Variants in KSR2 observed in about 807,000 individuals in gnomAD.
The protein encoded by KSR2 is kinase suppressor of ras 2.
KSR2 carries 25 observed loss-of-function variants against 107.8 expected under a neutral mutation model. The observed-to-expected ratio is 0.23, with a 90% CI of 0.17 to 0.32. The LOEUF (loss-of-function observed/expected upper bound fraction) is 0.32. Ranked by LOEUF, KSR2 falls within the 10% of genes least tolerant of loss-of-function variation. The pLI, the probability that KSR2 is intolerant of heterozygous loss-of-function variation, is 1.00. For missense variants in KSR2, 887 were observed against 1,268.9 expected, an observed-to-expected ratio of 0.70 and a Z score of 4.57; for synonymous variants, 480 against 507.0, an observed-to-expected ratio of 0.95 and a Z score of 0.71.
chr12:117,604,987 T>G (rs925107610), intron 5 of KSR2, among the ~76,000 whole-genome samples: 3 of 152,330 alleles, frequency 2.0e-5, no homozygotes, highest in African/African-American at 7.2e-5. Flanking sequence ...AGCAACTAAT[T>G]CAGGGGAAAA....
At chr12:117,509,618 G>A (rs1487643036) in intron 14 of KSR2, among the ~76,000 whole-genome samples, 5 of 152,172 alleles carry the variant, frequency 3.3e-5, no homozygotes, top group South Asian at 2.1e-4. Context: ...GAACTGAGAC[G>A]CTCTGACAGT....
chr12:117,527,314 CACACACACACAG>C (rs1875254339), intron 12 of KSR2, among the ~76,000 whole-genome samples, 195 bp from the exon 13 acceptor site: 15 of 137,866 alleles, frequency 1.1e-4, no homozygotes, highest in Admixed American at 2.8e-4. Flanking sequence ...CACACACACA[CACACACACACAG>C]ACACACACAC....
At chr12:117,885,772 C>G (rs950123890) in intron 1 of KSR2, among the ~76,000 whole-genome samples, 2 of 151,876 alleles carry the variant, frequency 1.3e-5, no homozygotes, top group African/African-American at 4.8e-5. Flanking sequence ...TTGACAGGTG[C>G]AGCAAACCAC....
At chr12:117,603,350 C>G (rs1414363074) in intron 5 of KSR2, among the ~76,000 whole-genome samples, 1 of 152,210 alleles carries the variant, frequency 6.6e-6, no homozygotes, top group African/African-American at 2.4e-5. Context: ...ACAAGTCTAA[C>G]TGAAACCAAG....
At chr12:117,722,374 G>T (rs10850890) in intron 4 of KSR2, among the ~76,000 whole-genome samples, 57,885 of 151,856 alleles carry the variant, frequency 0.38, 11,199 homozygotes, top group Middle Eastern at 0.49. Flanking sequence ...CCTACTGGGC[G>T]GCATTCCCGG....
rs978055320 is a variant in KSR2, at chr12:117,461,541, A to G, written c.*5658T>C. The G allele has an allele frequency of 2.0e-5, 3 of 152,544 alleles. No individual in the cohort carries two copies. The highest frequency in any genetic ancestry group is 4.4e-5 in the Non-Finnish European group (3 of 68,214). The allele number at this position is 152,544 out of a possible 1,614,324, so 9.4% of individuals were successfully genotyped here. A position where few individuals can be genotyped will look rare whatever the true frequency, so the allele number is the denominator to read the frequency against. ...TTTTCCATCAACCTCCTGCCCCACT[A>G]CTGGTTTCAAAACTAAACTGGTAAC... On this transcript the variant is annotated 3_prime_UTR_variant, in exon 20 of 20. Coordinates refer to ENST00000339824, the MANE Select transcript of KSR2 (RefSeq NM_173598.6).
intron 4 of KSR2, among the ~76,000 whole-genome samples, chr12:117,753,844 A>C (rs1888693214): frequency 6.6e-6 from 1 of 151,726 alleles, no homozygotes; most frequent in African/African-American, 2.4e-5. Context: ...AAGAAGGAAA[A>C]CAAGAACATC....
chr12:117,928,630 G>A (rs113834362), intron 1 of KSR2, among the ~76,000 whole-genome samples: 9 of 152,296 alleles, frequency 5.9e-5, no homozygotes, highest in African/African-American at 1.7e-4. Flanking sequence ...ATGAACACAA[G>A]TGAACAAATA....
chr12:117,822,839 C>T (rs181931038), intron 3 of KSR2, among the ~76,000 whole-genome samples: 44 of 152,226 alleles, frequency 2.9e-4, no homozygotes, highest in Admixed American at 6.5e-4. Context: ...TTCACACCAT[C>T]ATGAAGTAGA....
chr12:117,734,049 G>C (rs918432167), intron 4 of KSR2, among the ~76,000 whole-genome samples: 3 of 152,180 alleles, frequency 2.0e-5, no homozygotes, highest in Non-Finnish European at 2.9e-5. Context: ...GGGAGGCTGA[G>C]GCAGGCAGAT....
At chr12:117,675,489 C>T (rs116268488) in intron 4 of KSR2, among the ~76,000 whole-genome samples, 4,461 of 152,284 alleles carry the variant, frequency 0.029, 205 homozygotes, top group African/African-American at 0.1. Context: ...TTTGTCAGCC[C>T]CCGGCCACCC....
chr12:117,718,088 G>A (rs754858722), intron 4 of KSR2, among the ~76,000 whole-genome samples: 2 of 152,198 alleles, frequency 1.3e-5, no homozygotes, highest in Non-Finnish European at 2.9e-5. Context: ...GGAGAAGCCA[G>A]TTTAAGTTGA....
chr12:117,675,738 C>T (rs866094937), intron 4 of KSR2, among the ~76,000 whole-genome samples: 12 of 152,302 alleles, frequency 7.9e-5, no homozygotes, highest in Middle Eastern at 3.4e-3. Context: ...ACTCAGAAGC[C>T]TTTACCCGGC....
At chr12:117,876,891 T>C (rs769533357) in intron 1 of KSR2, among the ~76,000 whole-genome samples, 21 of 152,068 alleles carry the variant, frequency 1.4e-4, no homozygotes, top group Non-Finnish European at 2.5e-4. Flanking sequence ...CTTTGCATTA[T>C]ACATCATGAG....
At chr12:117,641,888 A>AC (rs1212533652) in intron 5 of KSR2, among the ~76,000 whole-genome samples, 1 of 152,004 alleles carries the variant, frequency 6.6e-6, no homozygotes. Context: ...TCTGACTCCC[A>AC]CCCACCTCTC....
Position 117,481,185 on chromosome 12 carries a change from AG to A in KSR2, c.2450+3230del, listed in dbSNP as rs1227005214. 1.3e-5 allele frequency among the ~76,000 whole-genome samples: 2 copies of A among 152,218 alleles called. 1 individual carries two copies. The highest frequency in any genetic ancestry group is 2.9e-5 in the Non-Finnish European group (2 of 68,036). On this transcript the variant is annotated intron_variant, in intron 16 of 19. Coordinates refer to ENST00000339824, the MANE Select transcript of KSR2 (RefSeq NM_173598.6). ...GTGCCTGCCCCTACTCCCATTTTAC[AG>A]GTGAGGAAACTAAGGATCAGGGAAC...
rs760284923 is a variant in KSR2, at chr12:117,525,163, G to A, written c.1908C>T (p.Asn636=). The change falls in exon 14 of 20, where the codon AAC becomes AAT. Residue 636 remains asparagine (N), a synonymous_variant. Coordinates refer to ENST00000339824, the MANE Select transcript of KSR2 (RefSeq NM_173598.6). ...EESEDDFEEM[N]LSLLSARSFP... is the part of the protein sequence containing the mutation. ...AGCTCCGGGCCGAGAGGAGGGACAG[G>A]TTCATCTCCTCGAAGTCATCCTCTG... 4 of 1,613,860 alleles carry A rather than the reference G, an allele frequency of 2.5e-6. No individual in the cohort carries two copies. The highest frequency in any genetic ancestry group is 1.1e-5 in the South Asian group (1 of 91,062).
chr12:117,764,213 G>A (rs1411706181), intron 3 of KSR2, among the ~76,000 whole-genome samples: 1 of 151,290 alleles, frequency 6.6e-6, no homozygotes, highest in Non-Finnish European at 1.5e-5. Flanking sequence ...AATAGCTGAT[G>A]GTCGAGCCTT....
intron 9 of KSR2, among the ~76,000 whole-genome samples, chr12:117,551,643 C>T (rs708853): frequency 0.33 from 50,136 of 151,560 alleles, 9,282 homozygotes; most frequent in Admixed American, 0.44. Context: ...GGAGACAAGA[C>T]AAAGAGCAGT....
Sources: gnomAD v4.1 joint callset for allele counts (sites outside exome capture counted in the v4.1 genomes callset) on GRCh38, gnomAD v4.1.1 for gene constraint, MANE v1.5 for transcripts, NCBI Gene and HGNC (gene_info 2026-07-23, HGNC 2026-07-21) for gene names.